ZFYVE9: variants seen among roughly 807,000 people sequenced by gnomAD.
ZFYVE9 encodes the protein zinc finger FYVE domain-containing protein 9.
In ZFYVE9, 43 loss-of-function variants were observed where a neutral mutation model predicts 126.7. That is an observed-to-expected ratio of 0.34 (90% confidence interval 0.27 to 0.44). The LOEUF (loss-of-function observed/expected upper bound fraction) is 0.44. ZFYVE9 is among the 20% of genes least tolerant of loss of function. ZFYVE9 has a pLI of 1.00. For synonymous variants in ZFYVE9, 521 were observed against 597.4 expected (o/e 0.87, Z 1.87); for missense variants, 1,476 against 1,697.0 (o/e 0.87, Z 2.29).
intron 1 of ZFYVE9, among the ~76,000 whole-genome samples, chr1:52,201,229 T>A (rs1272020034): frequency 4.9e-4 from 74 of 152,202 alleles, no homozygotes. Context: ...GTATTTTGTT[T>A]ATTTTGGTGC....
chr1:52,167,849 A>G (rs912122171), intron 1 of ZFYVE9, among the ~76,000 whole-genome samples: 1 of 152,222 alleles, frequency 6.6e-6, no homozygotes, highest in Non-Finnish European at 1.5e-5. Context: ...CAGCAGAATC[A>G]CAGTTGATCT....
chr1:52,226,942 T>G (rs1645175869), intron 2 of ZFYVE9, among the ~76,000 whole-genome samples: 1 of 152,218 alleles, frequency 6.6e-6, no homozygotes, highest in Non-Finnish European at 1.5e-5. Flanking sequence ...ATGGGAGGGA[T>G]GTTTGCCCTA....
At chr1:52,165,984 G>A (rs1231077257) in intron 1 of ZFYVE9, among the ~76,000 whole-genome samples, 1 of 152,150 alleles carries the variant, frequency 6.6e-6, no homozygotes, top group Non-Finnish European at 1.5e-5. Context: ...GTTCTTTGAA[G>A]CAACAGTAGT....
chr1:52,255,964 T>TTTTC (rs1323951883), intron 4 of ZFYVE9, among the ~76,000 whole-genome samples: 1,367 of 68,450 alleles, frequency 0.02, 28 homozygotes, highest in Non-Finnish European at 0.027. Context: ...TTTTCTTTTC[T>TTTTC]TTTCTTTCTT....
At chr1:52,175,964 G>A (rs1489386869) in intron 1 of ZFYVE9, among the ~76,000 whole-genome samples, 2 of 152,152 alleles carry the variant, frequency 1.3e-5, no homozygotes, top group Admixed American at 1.3e-4. Flanking sequence ...GCTTGGAGTA[G>A]TTTGATCGTC....
At chr1:52,192,732 TA>T (rs1644826924) in intron 1 of ZFYVE9, among the ~76,000 whole-genome samples, 1 of 140,864 alleles carries the variant, frequency 7.1e-6, no homozygotes. Context: ...GCAAACATCA[TA>T]ACAGAAAAAA....
intron 13 of ZFYVE9, among the ~76,000 whole-genome samples, chr1:52,323,551 G>T (rs1328234253): frequency 6.6e-6 from 1 of 152,188 alleles, no homozygotes; most frequent in African/African-American, 2.4e-5. Flanking sequence ...AAATGAATAA[G>T]TATTTTCTAA....
chr1:52,198,117 TTTGTTTG>T (rs1405355206), intron 1 of ZFYVE9, among the ~76,000 whole-genome samples: 7 of 39,220 alleles, frequency 1.8e-4, no homozygotes, highest in African/African-American at 4.4e-4. Flanking sequence ...AGTGTTTTTT[TTTGTTTG>T]TTTTTTTTTT....
In ZFYVE9 at chr1:52,327,028, G is replaced by A. The variant is rs190764287; in HGVS notation, c.3439-5740G>A. Among the ~76,000 whole-genome samples the A allele has an allele frequency of 6.6e-5, 10 of 151,424 alleles. No homozygotes were observed. The East Asian group carries it at 1.7e-3, about 26-fold the overall frequency. ...ATACAAAAATTAGCTGGGCATGGTGGCATGCACCTGTAGTCCCAGCTACTC... is the reference window on the plus strand; with the variant it reads ...ATACAAAAATTAGCTGGGCATGGTGACATGCACCTGTAGTCCCAGCTACTC... On this transcript the variant is annotated intron_variant, in intron 13 of 18. Transcript: ENST00000287727.
chr1:52,346,445 G>C lies in ZFYVE9; in HGVS notation c.*224G>C. 2.1e-6 allele frequency: 1 copy of C among 469,294 alleles called. No individual in the cohort carries two copies. 29.1% of individuals were successfully genotyped at this position (469,294 alleles called of 1,614,324 possible). A position where few individuals can be genotyped will look rare whatever the true frequency, so the allele number is the denominator to read the frequency against. On this transcript the variant is annotated 3_prime_UTR_variant, in exon 19 of 19. Transcript: ENST00000287727. ...ATGCATTGTCCACCAAGAAGATCTG[G>C]GCAGCTTCTGTTCCTGCACAACAGT... is the stretch of plus-strand genomic sequence containing the variant.
chr1:52,185,952 A>G (rs373869178), intron 1 of ZFYVE9, among the ~76,000 whole-genome samples: 55 of 150,404 alleles, frequency 3.7e-4, no homozygotes, highest in African/African-American at 4.7e-4. Context: ...ATAAAATTCA[A>G]TATCCTGGTT....
At chr1:52,296,916 C>G (rs575275666) in intron 12 of ZFYVE9, among the ~76,000 whole-genome samples, 2 of 152,212 alleles carry the variant, frequency 1.3e-5, no homozygotes, top group Non-Finnish European at 2.9e-5. Context: ...GAGCAATTCT[C>G]GTGCCTGAGC....
chr1:52,184,504 C>T (rs980598050), intron 1 of ZFYVE9, among the ~76,000 whole-genome samples: 3 of 146,714 alleles, frequency 2.0e-5, no homozygotes, highest in South Asian at 2.2e-4. Context: ...CCTTTTTCTC[C>T]CAAATTTCTG....
At position 52,263,837 on chromosome 1, in the gene ZFYVE9, G is replaced by A; in HGVS notation, c.2243G>A (p.Arg748Lys). 4 of 1,584,090 alleles carry A rather than the reference G, an allele frequency of 2.5e-6. No individual in the cohort carries two copies. The highest frequency in any genetic ancestry group is 3.4e-6 in the Non-Finnish European group (4 of 1,164,932). Reference sequence around the variant, plus strand: ...TTATACATGGACAGAAAGGAAGCTAGAGTGTGTGTAATCTGCCATTCAGTG... The same window carrying A: ...TTATACATGGACAGAAAGGAAGCTAAAGTGTGTGTAATCTGCCATTCAGTG... Reference protein sequence around the residue: ...KLLYMDRKEARVCVICHSVLM... With the variant: ...KLLYMDRKEAKVCVICHSVLM... Residue 748 changes from arginine (R) to lysine (K), a missense_variant, in exon 5 of 19, where the codon AGA (arginine) becomes AAA (lysine). Arg to Lys is a conservative substitution (Grantham distance 26). Transcript: ENST00000287727.
intron 4 of ZFYVE9, among the ~76,000 whole-genome samples, chr1:52,263,079 A>C (rs76518525): frequency 1.1e-5 from 1 of 93,834 alleles, no homozygotes; most frequent in African/African-American, 6.0e-5. Context: ...ATTGTGTCTC[A>C]AAAAAAAAAA....
intron 1 of ZFYVE9, among the ~76,000 whole-genome samples, chr1:52,179,098 C>G (rs1314200595): frequency 6.6e-6 from 1 of 152,174 alleles, no homozygotes; most frequent in Admixed American, 6.5e-5. Flanking sequence ...GACACTGTGC[C>G]TGGCCACAAG....
chr1:52,258,690 T>A (rs998514431), intron 4 of ZFYVE9, among the ~76,000 whole-genome samples: 6 of 152,248 alleles, frequency 3.9e-5, no homozygotes, highest in Non-Finnish European at 8.8e-5. Context: ...TCTGTGATAC[T>A]AATTCTTATG....
At chr1:52,148,077 T>G (rs1644320886) in intron 1 of ZFYVE9, among the ~76,000 whole-genome samples, 1 of 151,730 alleles carries the variant, frequency 6.6e-6, no homozygotes, top group East Asian at 2.0e-4. Context: ...ACCATGCTCC[T>G]GGTTAATAAC....
intron 10 of ZFYVE9, among the ~76,000 whole-genome samples, chr1:52,286,890 G>C (rs1278805319): frequency 1.3e-5 from 2 of 151,978 alleles, no homozygotes; most frequent in Non-Finnish European, 2.9e-5. Flanking sequence ...GGTTCATTTT[G>C]TGTATATTCT....
Sources: allele counts gnomAD v4.1 joint callset (sites outside exome capture counted in the v4.1 genomes callset), GRCh38; gene constraint gnomAD v4.1.1; transcripts MANE v1.5; gene names NCBI Gene and HGNC (gene_info 2026-07-23, HGNC 2026-07-21).